RAB31: variants seen among roughly 807,000 people sequenced by gnomAD.
RAB31 encodes the protein RAB31, member RAS oncogene family.
Under a neutral mutation model 25.6 loss-of-function variants are expected in RAB31, and 21 were observed. The ratio of observed to expected loss-of-function variants is 0.82; its 90% CI spans 0.58 to 1.18. The LOEUF (loss-of-function observed/expected upper bound fraction) is 1.18. Among genes scored for constraint, RAB31 ranks in the 50% most tolerant of loss-of-function variants. RAB31 has a pLI of 0.00. For missense variants in RAB31, 196 were observed against 250.1 expected (o/e 0.78, Z 1.46); for synonymous variants, 87 against 84.0 (o/e 1.04, Z -0.20).
At chr18:9,799,015 C>T (rs1456012260) in intron 3 of RAB31, among the ~76,000 whole-genome samples, 2 of 152,016 alleles carry the variant, frequency 1.3e-5, no homozygotes, top group Non-Finnish European at 2.9e-5. Flanking sequence ...ACCCAGAAGG[C>T]GAATGTTGCA....
intron 1 of RAB31, among the ~76,000 whole-genome samples, chr18:9,748,127 A>G (rs1318973734): frequency 1.3e-5 from 2 of 152,180 alleles, no homozygotes; most frequent in Admixed American, 1.3e-4. Flanking sequence ...AAGCAAGGTG[A>G]GGTGATTAGG....
intron 3 of RAB31, among the ~76,000 whole-genome samples, chr18:9,810,909 T>C (rs577628616): frequency 3.2e-4 from 49 of 152,254 alleles, no homozygotes; most frequent in Non-Finnish European, 6.2e-4. Context: ...ATACTTAATC[T>C]GCGGTCCTTA....
chr18:9,761,575 G>A (rs1258052467), intron 1 of RAB31, among the ~76,000 whole-genome samples: 1 of 152,174 alleles, frequency 6.6e-6, no homozygotes, highest in Non-Finnish European at 1.5e-5. Context: ...TACAACAGGT[G>A]TTAGCTGGGC....
intron 1 of RAB31, among the ~76,000 whole-genome samples, chr18:9,753,861 G>A (rs1017346905): frequency 3.3e-5 from 5 of 152,142 alleles, no homozygotes; most frequent in South Asian, 2.1e-4. Flanking sequence ...TGTGCTCTAC[G>A]AGCTGTAATT....
At chr18:9,759,738 C>A (rs931847800) in intron 1 of RAB31, among the ~76,000 whole-genome samples, 2 of 152,126 alleles carry the variant, frequency 1.3e-5, no homozygotes, top group African/African-American at 4.8e-5. Flanking sequence ...TGTTTCCATA[C>A]ATGGTCGGGC....
intron 2 of RAB31, among the ~76,000 whole-genome samples, chr18:9,790,595 T>A (rs2068455219): frequency 6.6e-6 from 1 of 152,158 alleles, no homozygotes; most frequent in Non-Finnish European, 1.5e-5. Flanking sequence ...GTTCATATAT[T>A]GCATTTTGTT....
intron 1 of RAB31, among the ~76,000 whole-genome samples, chr18:9,720,551 C>A (rs566018653): frequency 1.3e-5 from 2 of 151,790 alleles, no homozygotes; most frequent in Admixed American, 1.3e-4. Context: ...GTCTGGGAGC[C>A]GGTGGGAGTG....
At chr18:9,719,298 A>AAAAATAT (rs1568161256) in intron 1 of RAB31, among the ~76,000 whole-genome samples, 7 of 23,104 alleles carry the variant, frequency 3.0e-4, no homozygotes, top group Non-Finnish European at 5.4e-4. Context: ...AAAAAAAAAA[A>AAAAATAT]ATATATATAT....
intron 1 of RAB31, among the ~76,000 whole-genome samples, chr18:9,746,873 A>G (rs755685572): frequency 6.6e-6 from 1 of 152,250 alleles, no homozygotes; most frequent in Non-Finnish European, 1.5e-5. Flanking sequence ...ATGGATTCTT[A>G]GACATGAAAG....
intron 5 of RAB31, among the ~76,000 whole-genome samples, chr18:9,832,181 T>G (rs1392649528): frequency 6.6e-6 from 1 of 151,736 alleles, no homozygotes; most frequent in African/African-American, 2.4e-5. Context: ...CAGGGTGAGG[T>G]CCACGGAAAG....
At chr18:9,718,613 A>G (rs1199914543) in intron 1 of RAB31, among the ~76,000 whole-genome samples, 1 of 152,238 alleles carries the variant, frequency 6.6e-6, no homozygotes, top group Non-Finnish European at 1.5e-5. Context: ...TTAAATTATC[A>G]AGTAGTTTAG....
At chr18:9,768,241 A>G (rs1387255206) in intron 1 of RAB31, among the ~76,000 whole-genome samples, 3 of 152,296 alleles carry the variant, frequency 2.0e-5, no homozygotes, top group African/African-American at 7.2e-5. Context: ...TGCTGGATCA[A>G]ATGGTATTTC....
intron 1 of RAB31, among the ~76,000 whole-genome samples, chr18:9,724,495 G>T (rs944234258): frequency 6.6e-6 from 1 of 152,086 alleles, no homozygotes; most frequent in Non-Finnish European, 1.5e-5. Flanking sequence ...CACTCTACTT[G>T]TGCCTTCTTT....
chr18:9,805,128 C>G (rs2068533626), intron 3 of RAB31, among the ~76,000 whole-genome samples: 1 of 151,750 alleles, frequency 6.6e-6, no homozygotes, highest in African/African-American at 2.4e-5. Flanking sequence ...TGGTGACATG[C>G]AGCTGTAGTC....
intron 3 of RAB31, among the ~76,000 whole-genome samples, chr18:9,797,793 T>C (rs762752074): frequency 6.6e-5 from 10 of 152,256 alleles, no homozygotes; most frequent in Non-Finnish European, 1.0e-4. Flanking sequence ...CTGTTTTCAT[T>C]TGATATTACA....
chr18:9,819,941 T>C (rs1372020825), intron 5 of RAB31, among the ~76,000 whole-genome samples: 1 of 152,082 alleles, frequency 6.6e-6, no homozygotes, highest in Non-Finnish European at 1.5e-5. Context: ...CATTTATTAA[T>C]TTTAGTTGTT....
At chr18:9,731,390 A>G (rs903248493) in intron 1 of RAB31, among the ~76,000 whole-genome samples, 1 of 152,226 alleles carries the variant, frequency 6.6e-6, no homozygotes, top group East Asian at 1.9e-4. Context: ...ATAAAGTAAA[A>G]GAGAGAATCG....
intron 2 of RAB31, among the ~76,000 whole-genome samples, chr18:9,782,757 C>T (rs1007058056): frequency 1.3e-5 from 2 of 152,112 alleles, no homozygotes; most frequent in South Asian, 2.1e-4. Flanking sequence ...AGTGCAGTGA[C>T]GCAATCATGG....
intron 1 of RAB31, among the ~76,000 whole-genome samples, chr18:9,718,343 T>C (rs1228709537): frequency 6.6e-6 from 1 of 152,220 alleles, no homozygotes; most frequent in African/African-American, 2.4e-5. Flanking sequence ...CACTGCAGCC[T>C]CTGCCTCCTG....
Sources: gnomAD v4.1 joint callset for allele counts (sites outside exome capture counted in the v4.1 genomes callset) on GRCh38, gnomAD v4.1.1 for gene constraint, MANE v1.5 for transcripts, NCBI Gene and HGNC (gene_info 2026-07-23, HGNC 2026-07-21) for gene names.